Variants in SH3RF2 observed in about 807,000 individuals in gnomAD.
SH3RF2 encodes the protein E3 ubiquitin-protein ligase SH3RF2.
In SH3RF2, 43 loss-of-function variants were observed where a neutral mutation model predicts 59.0. The observed-to-expected ratio is 0.73, with a 90% CI of 0.57 to 0.94. SH3RF2 has a LOEUF of 0.94. SH3RF2 is among the 40% of genes least tolerant of loss of function. SH3RF2 has a pLI of 0.00. For synonymous variants in SH3RF2, 391 were observed against 391.5 expected, an observed-to-expected ratio of 1.00 and a Z score of 0.01; for missense variants, 930 against 940.1, an observed-to-expected ratio of 0.99 and a Z score of 0.14.
Position 146,055,966 on chromosome 5 carries a change from A to AT in SH3RF2, c.1323-11dup, listed in dbSNP as rs1561766953. ...CTCTATTTCTTCTCTTAAAAAAAAA[A>AT]TTTTCCAAAACCAGAAAGACCTCTA... On this transcript the variant is annotated splice_polypyrimidine_tract_variant and intron_variant, in intron 7 of 9. Transcript: ENST00000359120. 8 of 1,596,166 alleles carry AT rather than the reference A, an allele frequency of 5.0e-6. No individual in the cohort carries two copies. Among genetic ancestry groups the AT allele is most frequent in the Admixed American group, 3.6e-5 (2 of 55,652 alleles).
At position 146,014,070 on chromosome 5, in the gene SH3RF2, G is replaced by A. The variant is rs373062729; in HGVS notation, c.1059+9G>A. The A allele has an allele frequency of 1.2e-5, 20 of 1,611,774 alleles. No homozygotes were observed. The African/African-American group carries it at 2.5e-4, about 20-fold the overall frequency. On this transcript the variant is annotated intron_variant, in intron 5 of 9. Coordinates refer to ENST00000359120, the MANE Select transcript of SH3RF2 (RefSeq NM_152550.4). ...CCAGCTGTGTGGGACAGGTAGGGAA[G>A]AAACGCCTGGGATGAGGGCACTTTG...
chr5:146,061,874 C>T (rs1421485025), intron 9 of SH3RF2, among the ~76,000 whole-genome samples: 1 of 152,000 alleles, frequency 6.6e-6, no homozygotes, highest in Non-Finnish European at 1.5e-5. Flanking sequence ...TGCAATCTCC[C>T]AATTTTTATG....
At chr5:145,937,608 A>G (rs188654048) in intron 1 of SH3RF2, among the ~76,000 whole-genome samples, 242 of 152,310 alleles carry the variant, frequency 1.6e-3, no homozygotes, top group African/African-American at 5.4e-3. Context: ...GGCAATAAGC[A>G]GTCAGTCTTG....
intron 2 of SH3RF2, among the ~76,000 whole-genome samples, chr5:145,969,675 C>T: frequency 6.6e-6 from 1 of 151,398 alleles, no homozygotes; most frequent in Non-Finnish European, 1.5e-5. Context: ...TTCAAGGCTG[C>T]AGTGAACTGT....
intron 7 of SH3RF2, among the ~76,000 whole-genome samples, chr5:146,054,051 CTT>C (rs1561765981): frequency 6.6e-6 from 1 of 152,200 alleles, no homozygotes; most frequent in African/African-American, 2.4e-5. Flanking sequence ...GCCCAGAATG[CTT>C]TTCAGTCTCT....
intron 5 of SH3RF2, among the ~76,000 whole-genome samples, chr5:146,042,601 GGTAGCTGCATTTTCTATACCTGA>G (rs1561758485): frequency 6.6e-6 from 1 of 152,188 alleles, no homozygotes; most frequent in East Asian, 1.9e-4. Flanking sequence ...ACTCCTAAGA[GGTAGCTGCATTTTCTATACCTGA>G]GTGGCTGATG....
At chr5:146,042,986 G>T (rs566473150) in intron 5 of SH3RF2, 6 of 152,336 alleles carry the variant, frequency 3.9e-5, no homozygotes, top group African/African-American at 1.4e-4. Flanking sequence ...GGCACCTGAG[G>T]TCACAATTGA....
intron 5 of SH3RF2, among the ~76,000 whole-genome samples, chr5:146,037,091 A>G (rs956239284): frequency 1.3e-5 from 2 of 152,182 alleles, no homozygotes; most frequent in East Asian, 3.8e-4. Context: ...TCTGCTTTGT[A>G]TGTCTCCTAT....
At chr5:145,944,387 G>A (rs944114748) in intron 2 of SH3RF2, among the ~76,000 whole-genome samples, 9 of 136,042 alleles carry the variant, frequency 6.6e-5, no homozygotes, top group Non-Finnish European at 9.2e-5. Flanking sequence ...GTCTCATTCC[G>A]TCACAGTGCA....
chr5:146,037,389 T>C (rs980146029), intron 5 of SH3RF2, among the ~76,000 whole-genome samples: 3 of 152,150 alleles, frequency 2.0e-5, no homozygotes, highest in Admixed American at 6.5e-5. Flanking sequence ...ACAAAAGTCC[T>C]CCTAACTGTG....
intron 8 of SH3RF2, among the ~76,000 whole-genome samples, chr5:146,057,143 G>A (rs770662533): frequency 4.6e-5 from 7 of 152,184 alleles, no homozygotes; most frequent in African/African-American, 7.2e-5. Context: ...ACATGAAAAC[G>A]CAATAGGATT....
At chr5:146,080,838 G>T (rs377748265) in exon 10 of SH3RF2, 1 of 152,130 alleles carries the variant, frequency 6.6e-6, no homozygotes, top group African/African-American at 2.4e-5. Context: ...TCGCTCTGTC[G>T]CCCAGGCTGG....
intron 2 of SH3RF2, among the ~76,000 whole-genome samples, chr5:145,940,187 G>T (rs1432766): frequency 6.6e-6 from 1 of 152,084 alleles, no homozygotes; most frequent in African/African-American, 2.4e-5. Flanking sequence ...CAAGTCCTGT[G>T]GTGAGGCTGA....
At position 146,014,037 on chromosome 5, in the gene SH3RF2, C is replaced by T. The variant is rs35761990; in HGVS notation, c.1035C>T (p.Asp345=). Reference sequence around the variant, plus strand: ...TCACCCAGCCCATGGAGAAAGCAGACGTTCCTTCCAGCTGTGTGGGACAGG... The same window carrying T: ...TCACCCAGCCCATGGAGAAAGCAGATGTTCCTTCCAGCTGTGTGGGACAGG... ...SVITQPMEKA[D]VPSSCVGQVS... Residue 345 remains aspartate (D), a synonymous_variant, in exon 5 of 10, where the codon GAC becomes GAT. Transcript: ENST00000359120. 2,049 of 1,614,090 alleles carry T rather than the reference C, an allele frequency of 1.3e-3. 26 individuals carry two copies. In the African/African-American group the frequency reaches 0.024, roughly 19 times the overall value.
intron 5 of SH3RF2, among the ~76,000 whole-genome samples, chr5:146,031,533 G>C (rs1431424460): frequency 6.6e-6 from 1 of 152,218 alleles, no homozygotes; most frequent in African/African-American, 2.4e-5. Context: ...AAATAAGTAT[G>C]TAAGTGAATG....
chr5:145,981,757 T>C (rs1759514486), intron 2 of SH3RF2, among the ~76,000 whole-genome samples: 1 of 152,216 alleles, frequency 6.6e-6, no homozygotes, highest in Admixed American at 6.5e-5. Context: ...TGAAATTCAG[T>C]TCCTCAGTCA....
At chr5:146,010,318 G>C (rs1760827605) in intron 4 of SH3RF2, among the ~76,000 whole-genome samples, 1 of 152,168 alleles carries the variant, frequency 6.6e-6, no homozygotes, top group Non-Finnish European at 1.5e-5. Flanking sequence ...TTGCTATTGT[G>C]AATAGTGCCA....
intron 2 of SH3RF2, among the ~76,000 whole-genome samples, chr5:145,939,961 T>C (rs1757753237): frequency 6.6e-6 from 1 of 152,218 alleles, no homozygotes; most frequent in African/African-American, 2.4e-5. Context: ...TCAATGTGAC[T>C]GTGTTGCAAA....
downstream of SH3RF2, among the ~76,000 whole-genome samples, chr5:146,066,139 G>A (rs545040894): frequency 2.0e-4 from 30 of 152,332 alleles, no homozygotes; most frequent in South Asian, 2.1e-3. Context: ...GTCTCAAACT[G>A]TCTGACTTCA....
Sources: allele counts gnomAD v4.1 joint callset (sites outside exome capture counted in the v4.1 genomes callset), GRCh38; gene constraint gnomAD v4.1.1; transcripts MANE v1.5; gene names NCBI Gene and HGNC (gene_info 2026-07-23, HGNC 2026-07-21).